ZNF804B: variants seen among roughly 807,000 people sequenced by gnomAD.
ZNF804B encodes zinc finger 804B.
In ZNF804B, 80 loss-of-function variants were observed where a neutral mutation model predicts 101.4. The ratio of observed to expected loss-of-function variants is 0.79; its 90% CI spans 0.66 to 0.95. ZNF804B has a LOEUF of 0.95. ZNF804B is among the 40% of genes least tolerant of loss of function. The probability of loss-of-function intolerance (pLI) is 0.00; values close to 1 mark genes in which losing one functional copy is unlikely to be tolerated. For missense variants in ZNF804B, 1,673 were observed against 1,561.9 expected, an observed-to-expected ratio of 1.07 and a Z score of -1.20; for synonymous variants, 622 against 558.8, an observed-to-expected ratio of 1.11 and a Z score of -1.59.
chr7:88,979,302 G>T (rs1479349684), intron 1 of ZNF804B, among the ~76,000 whole-genome samples: 1 of 151,702 alleles, frequency 6.6e-6, no homozygotes, highest in Non-Finnish European at 1.5e-5. Flanking sequence ...ATTTCTTTTT[G>T]CTCAGTAAGT....
intron 1 of ZNF804B, among the ~76,000 whole-genome samples, chr7:89,189,193 G>A (rs537468999): frequency 7.4e-4 from 113 of 152,198 alleles, no homozygotes; most frequent in African/African-American, 2.5e-3. Context: ...AACAAAGCAT[G>A]GAAGACAACA....
At chr7:89,207,985 A>G (rs1788739816) in intron 1 of ZNF804B, among the ~76,000 whole-genome samples, 1 of 152,026 alleles carries the variant, frequency 6.6e-6, no homozygotes, top group East Asian at 1.9e-4. Context: ...GTTCTGTATT[A>G]GAGAAACTGA....
intron 1 of ZNF804B, among the ~76,000 whole-genome samples, chr7:89,147,367 A>G (rs1790807313): frequency 1.3e-5 from 2 of 152,096 alleles, no homozygotes; most frequent in East Asian, 3.9e-4. Context: ...TTCTTTTCTC[A>G]TCTTAAAATT....
rs560702574 is a variant in ZNF804B, at chr7:88,852,746, G to A, written c.108+92662G>A. Among the ~76,000 whole-genome samples the A allele has an allele frequency of 3.4e-4, 52 of 152,134 alleles. 1 individual carries two copies. The highest frequency in any genetic ancestry group is 1.2e-3 in the African/African-American group (50 of 41,502). The stretch of plus-strand genomic sequence containing the variant: ...AGGACGGTGTTAACATTTTATTTTT[G>A]CAGGTGAGAAACCTGAAGCACTGAA... On this transcript the variant is annotated intron_variant, in intron 1 of 3. Transcript: ENST00000333190.
At chr7:88,769,222 G>A (rs1244490833) in intron 1 of ZNF804B, among the ~76,000 whole-genome samples, 1 of 152,096 alleles carries the variant, frequency 6.6e-6, no homozygotes, top group Non-Finnish European at 1.5e-5. Context: ...GTATAAATAT[G>A]TTCCCTTTTG....
chr7:88,877,011 TATATATATATATATA>T (rs1196600299), intron 1 of ZNF804B, among the ~76,000 whole-genome samples: 6 of 65,634 alleles, frequency 9.1e-5, no homozygotes, highest in African/African-American at 6.9e-4. Context: ...AAAAAAAATA[TATATATATATATATA>T]ATATATATAT....
chr7:89,074,515 T>C (rs776698295), intron 1 of ZNF804B, among the ~76,000 whole-genome samples: 1 of 152,306 alleles, frequency 6.6e-6, no homozygotes, highest in Non-Finnish European at 1.5e-5. Flanking sequence ...CCATGTAATA[T>C]GTGAATTGCT....
At chr7:89,282,585 A>G (rs1790117111) in intron 2 of ZNF804B, among the ~76,000 whole-genome samples, 1 of 152,200 alleles carries the variant, frequency 6.6e-6, no homozygotes, top group South Asian at 2.1e-4. Flanking sequence ...AATCTCTGCA[A>G]TCTGTATATG....
chr7:88,970,848 T>C (rs1257058325), intron 1 of ZNF804B, among the ~76,000 whole-genome samples: 1 of 147,526 alleles, frequency 6.8e-6, no homozygotes, highest in Non-Finnish European at 1.5e-5. Flanking sequence ...GGGATAGCAT[T>C]AGGAGGTATA....
chr7:88,790,428 T>G (rs1377727896), intron 1 of ZNF804B, among the ~76,000 whole-genome samples: 1 of 151,912 alleles, frequency 6.6e-6, no homozygotes, highest in Non-Finnish European at 1.5e-5. Context: ...TCCCTCCCCT[T>G]GCACCCCTGA....
chr7:89,126,258 T>A (rs1322761146), intron 1 of ZNF804B, among the ~76,000 whole-genome samples: 1 of 152,032 alleles, frequency 6.6e-6, no homozygotes, highest in Non-Finnish European at 1.5e-5. Context: ...TGCTGTATAC[T>A]GGGTTTTCCC....
intron 2 of ZNF804B, among the ~76,000 whole-genome samples, chr7:89,219,102 T>C (rs1167978481): frequency 6.6e-6 from 1 of 150,912 alleles, no homozygotes; most frequent in Non-Finnish European, 1.5e-5. Context: ...AATCTATTAT[T>C]ATAGTCTACA....
chr7:89,332,510 C>T (rs1791001842), intron 3 of ZNF804B, among the ~76,000 whole-genome samples: 1 of 151,736 alleles, frequency 6.6e-6, no homozygotes, highest in Non-Finnish European at 1.5e-5. Flanking sequence ...TTTGTATTGT[C>T]TTCTTTCCAG....
At chr7:89,193,422 A>T (rs1322234371) in intron 1 of ZNF804B, among the ~76,000 whole-genome samples, 3 of 150,166 alleles carry the variant, frequency 2.0e-5, no homozygotes, top group Non-Finnish European at 4.4e-5. Flanking sequence ...TTAACTCGTC[A>T]TTTAGCATTA....
At chr7:88,901,646 G>A (rs969954193) in intron 1 of ZNF804B, among the ~76,000 whole-genome samples, 1 of 151,668 alleles carries the variant, frequency 6.6e-6, no homozygotes, top group African/African-American at 2.4e-5. Flanking sequence ...AAGAGAGAGA[G>A]AGAGAAAGAG....
chr7:89,036,031 T>C (rs1367596606), intron 1 of ZNF804B, among the ~76,000 whole-genome samples: 2 of 136,908 alleles, frequency 1.5e-5, no homozygotes, highest in Non-Finnish European at 3.2e-5. Flanking sequence ...ATTAATATGT[T>C]ATATATATAT....
chr7:88,859,540 T>A (rs1281825629), intron 1 of ZNF804B, among the ~76,000 whole-genome samples: 1 of 152,124 alleles, frequency 6.6e-6, no homozygotes, highest in Non-Finnish European at 1.5e-5. Context: ...TCTTTAATTC[T>A]CTCTTTCATT....
intron 3 of ZNF804B, among the ~76,000 whole-genome samples, chr7:89,332,826 T>A (rs1791007412): frequency 6.6e-6 from 1 of 151,854 alleles, no homozygotes; most frequent in African/African-American, 2.4e-5. Context: ...TTAGTCAAAT[T>A]ACTGACAAGT....
At chr7:88,931,879 T>C (rs368336872) in intron 1 of ZNF804B, among the ~76,000 whole-genome samples, 3 of 151,976 alleles carry the variant, frequency 2.0e-5, no homozygotes, top group East Asian at 3.9e-4. Flanking sequence ...TTAATAAAAA[T>C]ACAAAATTAG....
Sources: gnomAD v4.1 joint callset for allele counts (sites outside exome capture counted in the v4.1 genomes callset) on GRCh38, gnomAD v4.1.1 for gene constraint, MANE v1.5 for transcripts, NCBI Gene and HGNC (gene_info 2026-07-23, HGNC 2026-07-21) for gene names.